Variants in MTMR6 observed in about 807,000 individuals in gnomAD.
MTMR6 encodes the protein myotubularin related protein 6.
In MTMR6, 47 loss-of-function variants were observed where a neutral mutation model predicts 80.1. The observed-to-expected ratio is 0.59, with a 90% CI of 0.46 to 0.75. The LOEUF (loss-of-function observed/expected upper bound fraction) is 0.75, where lower values mean the gene tolerates loss of function less well. Among genes scored for constraint, MTMR6 ranks in the 30% least tolerant of loss-of-function variants. The pLI is 0.00. For missense variants in MTMR6, 629 were observed against 730.9 expected (o/e 0.86, Z 1.61); for synonymous variants, 254 against 253.0 (o/e 1.00, Z -0.04).
chr13:25,266,689 A>G (rs935020328), intron 3 of MTMR6, among the ~76,000 whole-genome samples: 2 of 152,238 alleles, frequency 1.3e-5, no homozygotes, highest in African/African-American at 4.8e-5. Context: ...AAACTGCATT[A>G]TACATCCCTA....
intron 2 of MTMR6, among the ~76,000 whole-genome samples, chr13:25,273,325 A>C (rs1175005198): frequency 2.0e-5 from 3 of 152,142 alleles, no homozygotes; most frequent in African/African-American, 7.2e-5. Flanking sequence ...ATACAGAAAG[A>C]AACATATACA....
intron 7 of MTMR6, among the ~76,000 whole-genome samples, chr13:25,258,232 ACTGT>A (rs1165853329): frequency 1.3e-5 from 2 of 152,206 alleles, no homozygotes; most frequent in Non-Finnish European, 2.9e-5. Context: ...TTAGAATTGT[ACTGT>A]CTAATACAGC....
chr13:25,261,243 G>A (rs537791025), intron 6 of MTMR6, among the ~76,000 whole-genome samples: 11 of 137,040 alleles, frequency 8.0e-5, no homozygotes, highest in African/African-American at 3.0e-4. Context: ...GGGAGGCAGA[G>A]GTTGCAGTGA....
In MTMR6 at chr13:25,249,457, G is replaced by A. The variant is rs754918312; in HGVS notation, c.1641C>T (p.Gly547=). 1 of 1,613,814 alleles carries A rather than the reference G, an allele frequency of 6.2e-7. No individual in the cohort carries two copies. The stretch of plus-strand genomic sequence containing the variant: ...AATGTAACAATTCCTTGGTGAGGAT[G>A]CCATCTGTTTGCTTATTTTTGCGTT... ...IKQRKNKQTD[G]ILTKELLHSV... is the part of the protein sequence containing the mutation. The change falls in exon 14 of 14, where the codon GGC becomes GGT. Residue 547 remains glycine (G), a synonymous_variant. Transcript: ENST00000381801.
At chr13:25,279,945 T>C (rs952475550) in intron 1 of MTMR6, among the ~76,000 whole-genome samples, 4 of 152,188 alleles carry the variant, frequency 2.6e-5, no homozygotes, top group Non-Finnish European at 5.9e-5. Context: ...TGTAAGATCA[T>C]TCCAGTGTGA....
intron 1 of MTMR6, among the ~76,000 whole-genome samples, chr13:25,282,676 G>A (rs1213091768): frequency 6.6e-6 from 1 of 150,982 alleles, no homozygotes; most frequent in East Asian, 1.9e-4. Context: ...CACGATCTCG[G>A]CTCACTGCAA....
rs1302988698 is a variant in MTMR6 at position 25,252,408 on chromosome 13, G to GT, written c.1347-425dup. ...CGAGTATCATAGGGCAGGAGCACAC[G>GT]TAAGTGTGAGTGGGTACAAAAAGGG... On this transcript the variant is annotated intron_variant, in intron 11 of 13. Transcript: ENST00000381801. Among the ~76,000 whole-genome samples the GT allele has an allele frequency of 2.6e-5, 4 of 152,210 alleles. No homozygotes were observed. In the East Asian group the frequency reaches 5.8e-4, roughly 22 times the overall value.
At position 25,257,783 on chromosome 13, in the gene MTMR6, G is replaced by A. The variant is rs1957247308; in HGVS notation, c.922C>T (p.Leu308Phe). ...FYSGLESSGW[L>F]RHIKAVMDAA... ...TCCATAACAGCTTTGATATGGCGAA[G>A]CCATCCCGAGCTCTCCAAACCGGAG... is the stretch of plus-strand genomic sequence containing the variant. The change falls in exon 8 of 14, where the codon CTT becomes TTT. Residue 308 changes from leucine to phenylalanine, a missense_variant. By Grantham distance (22) the Leu-to-Phe change is conservative. Transcript: ENST00000381801. The A allele has an allele frequency of 6.2e-7, 1 of 1,613,914 alleles. No homozygotes were observed. Among genetic ancestry groups the A allele is most frequent in the African/African-American group, 1.3e-5 (1 of 75,044 alleles).
Position 25,268,886 on chromosome 13 carries a change from C to T in MTMR6, c.142-945G>A, listed in dbSNP as rs531286811. Among the ~76,000 whole-genome samples, 4 of 152,290 alleles carry T rather than the reference C, an allele frequency of 2.6e-5. No individual in the cohort carries two copies. The East Asian group carries it at 7.7e-4, about 29-fold the overall frequency. On this transcript the variant is annotated intron_variant, in intron 2 of 13. Transcript: ENST00000381801. ...CCTGTGCTCTTGGGGGCCTAGGAAA[C>T]CCCCTCCCCCTGCAGGTTCAGAAGT...
chr13:25,249,281 T>A lies in MTMR6; in HGVS notation c.1817A>T (p.Glu606Val). Reference sequence around the variant, plus strand: ...ATACTCTAAGCTGACCACAGCAGGTTCTGATTTAGAAAACTCTTCTGCATA... The same window carrying A: ...ATACTCTAAGCTGACCACAGCAGGTACTGATTTAGAAAACTCTTCTGCATA... ...SEYAEEFSKSEPAVVSLEYGV... is the reference protein window; with the variant it reads ...SEYAEEFSKSVPAVVSLEYGV... Residue 606 changes from glutamate (E) to valine (V), a missense_variant, in exon 14 of 14, where the codon GAA becomes GTA. By Grantham distance (121) the Glu-to-Val change is moderately radical. Transcript: ENST00000381801. 4 of 1,614,108 alleles carry A rather than the reference T, an allele frequency of 2.5e-6. No individual in the cohort carries two copies. The highest frequency in any genetic ancestry group is 3.4e-6 in the Non-Finnish European group (4 of 1,179,962).
intron 6 of MTMR6, among the ~76,000 whole-genome samples, chr13:25,260,065 G>C (rs1381679394): frequency 2.0e-5 from 3 of 151,840 alleles, no homozygotes; most frequent in African/African-American, 7.3e-5. Flanking sequence ...GTTTTGCCAT[G>C]TTGGCCAGGC....
At chr13:25,284,061 C>G (rs1957911034) in intron 1 of MTMR6, among the ~76,000 whole-genome samples, 1 of 152,082 alleles carries the variant, frequency 6.6e-6, no homozygotes, top group Non-Finnish European at 1.5e-5. Context: ...TCTGATAAAT[C>G]TCTGGTTAGC....
rs754865055 is a variant in MTMR6, at chr13:25,251,605, C to T, written c.1605+44G>A. 8 of 1,411,914 alleles carry T rather than the reference C, an allele frequency of 5.7e-6. No individual in the cohort carries two copies. In the Admixed American group the frequency reaches 1.5e-4, roughly 26 times the overall value. The allele number at this position is 1,411,914 out of a possible 1,614,324, so 87.5% of individuals were successfully genotyped here. A position where few individuals can be genotyped will look rare whatever the true frequency, so the allele number is the denominator to read the frequency against. ...ATACAAATATTAGTCTAATCGTAAA[C>T]TAATTTCACATTCCAAATATATTAG... On this transcript the variant is annotated intron_variant, in intron 13 of 13. Transcript: ENST00000381801. The surrounding 1 kb of genome is among the most constrained non-coding windows in gnomAD (Gnocchi z 4.1).
rs1163176147 is a variant in MTMR6 at position 25,249,469 on chromosome 13, C to A, written c.1629G>T (p.Lys543Asn). ...CCTTGGTGAGGATGCCATCTGTTTG[C>A]TTATTTTTGCGTTGTTTAATTTTCT... ...LESKIKQRKNKQTDGILTKEL... is the reference protein window; with the variant it reads ...LESKIKQRKNNQTDGILTKEL... Residue 543 changes from lysine (K) to asparagine (N), a missense_variant, in exon 14 of 14, where the codon AAG becomes AAT. Lys to Asn is a moderately conservative substitution (Grantham distance 94, BLOSUM62 0). Coordinates refer to ENST00000381801, the MANE Select transcript of MTMR6 (RefSeq NM_004685.5). The A allele has an allele frequency of 1.4e-5, 22 of 1,613,240 alleles. No individual in the cohort carries two copies. The highest frequency in any genetic ancestry group is 1.9e-5 in the Non-Finnish European group (22 of 1,179,474).
chr13:25,269,336 C>A (rs1187259365), intron 2 of MTMR6, among the ~76,000 whole-genome samples: 1 of 152,136 alleles, frequency 6.6e-6, no homozygotes, highest in Non-Finnish European at 1.5e-5. Context: ...TCCTTTATCA[C>A]AATAAGAGTT....
At chr13:25,281,738 C>T (rs1274006955) in intron 1 of MTMR6, among the ~76,000 whole-genome samples, 2 of 152,178 alleles carry the variant, frequency 1.3e-5, no homozygotes, top group Non-Finnish European at 2.9e-5. Flanking sequence ...ACACTGACAT[C>T]CTGCCAAGAA....
intron 1 of MTMR6, among the ~76,000 whole-genome samples, chr13:25,286,297 G>A (rs1376849628): frequency 6.6e-6 from 1 of 152,138 alleles, no homozygotes; most frequent in African/African-American, 2.4e-5. Context: ...TTCCCTAAAT[G>A]AGCCGTAATT....
In MTMR6 at chr13:25,258,374, T is replaced by C. The variant is rs987375728; in HGVS notation, c.859+186A>G. ...AAAAGAAAAATATCTCATTACTGAT[T>C]TTTTTTATATTGACTACATGTTAAA... is the stretch of plus-strand genomic sequence containing the variant. On this transcript the variant is annotated intron_variant, in intron 7 of 13. Coordinates refer to ENST00000381801, the MANE Select transcript of MTMR6 (RefSeq NM_004685.5). Among the ~76,000 whole-genome samples, 11 of 152,206 alleles carry C rather than the reference T, an allele frequency of 7.2e-5. 1 individual carries two copies. The South Asian group carries it at 2.3e-3, about 32-fold the overall frequency.
intron 11 of MTMR6, among the ~76,000 whole-genome samples, chr13:25,252,974 G>A (rs960857476): frequency 6.6e-6 from 1 of 152,006 alleles, no homozygotes; most frequent in East Asian, 1.9e-4. Context: ...TATGTCCCTT[G>A]GATGTTCAAA....
Sources: allele counts gnomAD v4.1 joint callset (sites outside exome capture counted in the v4.1 genomes callset), GRCh38; gene constraint gnomAD v4.1.1; non-coding constraint Gnocchi (gnomAD v3.1); transcripts MANE v1.5; gene names NCBI Gene and HGNC (gene_info 2026-07-23, HGNC 2026-07-21).